Variants in PHACTR3 observed in about 807,000 individuals in gnomAD.
PHACTR3 encodes the protein protein phosphatase 1, regulatory subunit 123.
A neutral mutation model predicts 66.8 loss-of-function variants in PHACTR3; 16 were observed. That is an observed-to-expected ratio of 0.24 (90% confidence interval 0.16 to 0.36). The LOEUF is 0.36. PHACTR3 is among the 10% of genes least tolerant of loss of function. The pLI is 1.00. For missense variants in PHACTR3, 647 were observed against 719.9 expected (o/e 0.90, Z 1.16); for synonymous variants, 323 against 292.1 (o/e 1.11, Z -1.08).
intron 1 of PHACTR3, among the ~76,000 whole-genome samples, chr20:59,614,131 A>T (rs1434054921): frequency 1.3e-5 from 2 of 152,192 alleles, no homozygotes; most frequent in African/African-American, 4.8e-5. Flanking sequence ...GGCCTGGCCC[A>T]TCCCTATCTG....
chr20:59,825,724 CT>C (rs2042171349), intron 8 of PHACTR3, among the ~76,000 whole-genome samples: 1 of 152,152 alleles, frequency 6.6e-6, no homozygotes, highest in Non-Finnish European at 1.5e-5. Context: ...TGGGTAACAA[CT>C]TTCTCAGCAG....
At chr20:59,843,690 A>G (rs2059103599) in intron 11 of PHACTR3, 1 of 152,048 alleles carries the variant, frequency 6.6e-6, no homozygotes. Context: ...AACTTGAAGA[A>G]TAAAGACTTA....
At chr20:59,586,208 C>T (rs1363563992) in intron 1 of PHACTR3, among the ~76,000 whole-genome samples, 2 of 152,184 alleles carry the variant, frequency 1.3e-5, no homozygotes, top group Admixed American at 6.5e-5. Flanking sequence ...CTGCACATTG[C>T]ACATTTGGAC....
intron 8 of PHACTR3, among the ~76,000 whole-genome samples, chr20:59,806,661 C>T (rs374418507): frequency 1.3e-5 from 2 of 152,224 alleles, no homozygotes; most frequent in Non-Finnish European, 1.5e-5. Context: ...GCTACCCCCC[C>T]ACCCACATAC....
In PHACTR3 at chr20:59,577,530, CGCGCCCGCTGTCCTGCGCCCCT is replaced by C. The variant is rs1242174847; in HGVS notation, c.27_48del (p.Pro12TrpfsTer41). ...CGGGATGCGTGGCCGTGGCGGGGGG[CGCGCCCGCTGTCCTGCGCCCCT>C]GCGCTCGCTGCTGGGCGCCTTCGGG... On this transcript the variant is annotated frameshift_variant, in exon 1 of 13. Transcript: ENST00000359926. LOFTEE classifies it high-confidence loss of function. 8.6e-7 allele frequency: 1 copy of C among 1,160,840 alleles called. No homozygotes were observed. Among genetic ancestry groups the C allele is most frequent in the African/African-American group, 1.6e-5 (1 of 61,560 alleles). The allele number at this position is 1,160,840 out of a possible 1,614,324, so 71.9% of individuals were successfully genotyped here. A position where few individuals can be genotyped will look rare whatever the true frequency, so the allele number is the denominator to read the frequency against.
intron 1 of PHACTR3, among the ~76,000 whole-genome samples, chr20:59,648,889 G>A (rs1232897087): frequency 6.6e-6 from 1 of 152,180 alleles, no homozygotes; most frequent in African/African-American, 2.4e-5. Flanking sequence ...GGGACAGCTT[G>A]GCAACCACCT....
chr20:59,846,690 A>G (rs2059155266), intron 12 of PHACTR3, among the ~76,000 whole-genome samples: 1 of 152,208 alleles, frequency 6.6e-6, no homozygotes, highest in South Asian at 2.1e-4. Flanking sequence ...TATTTCAACA[A>G]TTCAAGAGTC....
chr20:59,623,868 GGA>G (rs2034354274), intron 1 of PHACTR3, among the ~76,000 whole-genome samples: 1 of 152,182 alleles, frequency 6.6e-6, no homozygotes, highest in South Asian at 2.1e-4. Context: ...ATGGAGTGAT[GGA>G]GACCTGCTGA....
chr20:59,846,043 A>C (rs1052120193), intron 12 of PHACTR3, among the ~76,000 whole-genome samples: 3 of 152,148 alleles, frequency 2.0e-5, no homozygotes, highest in Non-Finnish European at 2.9e-5. Context: ...GTTCTCAAAC[A>C]TCTCTGATTC....
intron 1 of PHACTR3, among the ~76,000 whole-genome samples, chr20:59,709,595 G>T (rs934788901): frequency 1.3e-5 from 2 of 152,206 alleles, no homozygotes; most frequent in African/African-American, 4.8e-5. Context: ...ATTGAATAAA[G>T]AGAGTAGTTT....
intron 1 of PHACTR3, among the ~76,000 whole-genome samples, chr20:59,621,533 A>G (rs1368242869): frequency 6.6e-6 from 1 of 152,228 alleles, no homozygotes; most frequent in African/African-American, 2.4e-5. Flanking sequence ...CTGGTCCATG[A>G]TAAGATCTTT....
At chr20:59,686,473 ATGATGATGG>A (rs1213672854) in intron 1 of PHACTR3, among the ~76,000 whole-genome samples, 4 of 152,240 alleles carry the variant, frequency 2.6e-5, no homozygotes, top group Non-Finnish European at 5.9e-5. Context: ...GTGAGCTGCC[ATGATGATGG>A]TGATGATCAT....
chr20:59,642,125 G>C (rs954668509), intron 1 of PHACTR3, among the ~76,000 whole-genome samples: 6 of 152,224 alleles, frequency 3.9e-5, no homozygotes, highest in African/African-American at 1.2e-4. Flanking sequence ...AGAGAAGGCA[G>C]CCTTTCTGCA....
chr20:59,839,268 C>T (rs1292929399), intron 9 of PHACTR3, among the ~76,000 whole-genome samples: 4 of 152,048 alleles, frequency 2.6e-5, no homozygotes, highest in African/African-American at 9.7e-5. Context: ...AAGAATTAAG[C>T]AGAAAGAGGA....
At chr20:59,630,149 G>C (rs748671534) in intron 1 of PHACTR3, among the ~76,000 whole-genome samples, 1 of 152,084 alleles carries the variant, frequency 6.6e-6, no homozygotes, top group Non-Finnish European at 1.5e-5. Context: ...ATTTTATAAA[G>C]AACGTTCATA....
At chr20:59,660,071 C>T (rs1370386796) in intron 1 of PHACTR3, among the ~76,000 whole-genome samples, 4 of 152,190 alleles carry the variant, frequency 2.6e-5, no homozygotes, top group Non-Finnish European at 5.9e-5. Context: ...TCTTGAGTTT[C>T]CTCCTTAGCC....
At chr20:59,602,423 CAG>C (rs1477089533), upstream of PHACTR3, among the ~76,000 whole-genome samples, 23 of 82,888 alleles carry the variant, frequency 2.8e-4, no homozygotes, top group African/African-American at 1.1e-3. Context: ...GCCTGGAAAA[CAG>C]AGCAAAACTC....
intron 1 of PHACTR3, among the ~76,000 whole-genome samples, chr20:59,653,754 T>C (rs1291148816): frequency 1.3e-5 from 2 of 152,204 alleles, no homozygotes; most frequent in Non-Finnish European, 2.9e-5. Context: ...TTTAAAGTTA[T>C]CTGAAATCCT....
chr20:59,766,235 G>A (rs1040342316), intron 4 of PHACTR3, among the ~76,000 whole-genome samples: 2 of 152,192 alleles, frequency 1.3e-5, no homozygotes, highest in Non-Finnish European at 2.9e-5. Flanking sequence ...AGCACCTGCA[G>A]GAGGAAGCTC....
Sources: gnomAD v4.1 joint callset for allele counts (sites outside exome capture counted in the v4.1 genomes callset) on GRCh38, gnomAD v4.1.1 for gene constraint, MANE v1.5 for transcripts, NCBI Gene and HGNC (gene_info 2026-07-23, HGNC 2026-07-21) for gene names.